CACNA1D: variants seen among roughly 807,000 people sequenced by gnomAD.
The protein encoded by CACNA1D is voltage-dependent L-type calcium channel subunit alpha-1D.
CACNA1D carries 55 observed loss-of-function variants against 257.1 expected under a neutral mutation model. That is an observed-to-expected ratio of 0.21 (90% CI 0.17 to 0.27). The LOEUF (loss-of-function observed/expected upper bound fraction) is 0.27. CACNA1D is among the 10% of genes least tolerant of loss of function. The pLI is 1.00. For synonymous variants in CACNA1D, 980 were observed against 1,014.9 expected, an observed-to-expected ratio of 0.97 and a Z score of 0.65; for missense variants, 1,876 against 2,784.0, an observed-to-expected ratio of 0.67 and a Z score of 7.34.
chr3:53,803,095 C>G (rs1425200709), intron 43 of CACNA1D, among the ~76,000 whole-genome samples: 1 of 152,144 alleles, frequency 6.6e-6, no homozygotes, highest in East Asian at 1.9e-4. Context: ...AACCCAGGGT[C>G]TTTTTCCCTA....
At chr3:53,636,159 A>G (rs2093881068) in intron 3 of CACNA1D, among the ~76,000 whole-genome samples, 1 of 152,090 alleles carries the variant, frequency 6.6e-6, no homozygotes, top group Non-Finnish European at 1.5e-5. Context: ...ATTTATCACA[A>G]CTGGTGTCCA....
At chr3:53,720,192 A>G (rs368317575) in intron 11 of CACNA1D, among the ~76,000 whole-genome samples, 6 of 152,326 alleles carry the variant, frequency 3.9e-5, no homozygotes, top group Admixed American at 2.0e-4. Flanking sequence ...CCATATACCT[A>G]TGATTAGTGT....
intron 29 of CACNA1D, among the ~76,000 whole-genome samples, chr3:53,754,762 ATC>A (rs1463889037): frequency 5.3e-5 from 8 of 152,234 alleles, no homozygotes; most frequent in African/African-American, 1.7e-4. Context: ...CCAGTTAGTT[ATC>A]TCTGTGTAAG....
chr3:53,705,453 T>C (rs1042456403), intron 9 of CACNA1D, among the ~76,000 whole-genome samples: 2 of 152,202 alleles, frequency 1.3e-5, no homozygotes, highest in African/African-American at 2.4e-5. Flanking sequence ...AAAGCTGCAA[T>C]GTGTCTTGGG....
Position 53,664,829 on chromosome 3 carries a change from A to G in CACNA1D, c.767-831A>G, listed in dbSNP as rs144930685. Reference sequence around the variant, plus strand: ...AAGAGTATATTTGGAAGAAGGGGTCAGGGGGCTCCTTGCTTCTAGTGAACA... The same window carrying G: ...AAGAGTATATTTGGAAGAAGGGGTCGGGGGGCTCCTTGCTTCTAGTGAACA... On this transcript the variant is annotated intron_variant, in intron 5 of 47. Transcript: ENST00000350061. 8.7e-4 allele frequency among the ~76,000 whole-genome samples: 133 copies of G among 152,368 alleles called. No individual in the cohort carries two copies. In the East Asian group the frequency reaches 0.024, roughly 27 times the overall value.
At chr3:53,596,418 C>A (rs1182246620) in intron 3 of CACNA1D, among the ~76,000 whole-genome samples, 3 of 152,136 alleles carry the variant, frequency 2.0e-5, no homozygotes, top group Non-Finnish European at 4.4e-5. Flanking sequence ...CCGACTGTGT[C>A]ATTTTGGAAA....
intron 17 of CACNA1D, among the ~76,000 whole-genome samples, 179 bp from the exon 18 acceptor site, chr3:53,731,837 G>A (rs1027426004): frequency 3.9e-5 from 6 of 152,192 alleles, no homozygotes; most frequent in East Asian, 1.9e-4. Flanking sequence ...CTGCCCTCAG[G>A]CCTTCTGTCT....
chr3:53,561,601 G>A (rs1055608869), intron 3 of CACNA1D, among the ~76,000 whole-genome samples: 4 of 152,176 alleles, frequency 2.6e-5, no homozygotes, highest in African/African-American at 9.7e-5. Flanking sequence ...CTTTGTAGCT[G>A]TCAAGGAAAA....
chr3:53,539,917 G>C (rs1284875857), intron 3 of CACNA1D, among the ~76,000 whole-genome samples: 1 of 152,110 alleles, frequency 6.6e-6, no homozygotes, highest in Non-Finnish European at 1.5e-5. Context: ...AGTTGTTTCA[G>C]TAAGTCTTTG....
At chr3:53,553,923 A>C (rs1033989291) in intron 3 of CACNA1D, among the ~76,000 whole-genome samples, 1 of 151,404 alleles carries the variant, frequency 6.6e-6, no homozygotes, top group Admixed American at 6.6e-5. Context: ...TGGGCTGGGC[A>C]TGGTGGCTCA....
At chr3:53,796,257 G>A in intron 40 of CACNA1D, 1 of 449,434 alleles carries the variant, frequency 2.2e-6, no homozygotes, top group Non-Finnish European at 4.5e-6. Flanking sequence ...TAGGCTGAGT[G>A]CAGCCTGCCT....
chr3:53,717,036 C>G (rs969876833), intron 9 of CACNA1D, among the ~76,000 whole-genome samples: 1 of 152,258 alleles, frequency 6.6e-6, no homozygotes, highest in African/African-American at 2.4e-5. Context: ...GCTTCCAGCC[C>G]ACTACCAGTA....
intron 9 of CACNA1D, among the ~76,000 whole-genome samples, chr3:53,714,152 A>G (rs2094793352): frequency 6.6e-6 from 1 of 152,196 alleles, no homozygotes; most frequent in Non-Finnish European, 1.5e-5. Context: ...CTAACATTCC[A>G]GTTTCCTGAA....
chr3:53,733,994 A>G (rs978047950), intron 19 of CACNA1D, among the ~76,000 whole-genome samples: 2 of 121,016 alleles, frequency 1.7e-5, no homozygotes, highest in East Asian at 4.7e-4. Context: ...ATACATATAC[A>G]TATACATATA....
At chr3:53,604,624 A>C (rs2093484864) in intron 3 of CACNA1D, among the ~76,000 whole-genome samples, 2 of 152,178 alleles carry the variant, frequency 1.3e-5, no homozygotes, top group Non-Finnish European at 2.9e-5. Flanking sequence ...ATGGGGATAC[A>C]TATCCCTGCT....
In CACNA1D at chr3:53,800,222, C is replaced by T. The variant is rs1379315340; in HGVS notation, c.4924-27C>T. On this transcript the variant is annotated intron_variant, in intron 40 of 47. Transcript: ENST00000350061. This position sits in a 1 kb window ranked among gnomAD's most constrained non-coding sequence, Gnocchi z 4.3. ...GCCCCAGGGCCCATGTGTGGTCTAA[C>T]CTGTTCTGCCATTTTCATTGATCTA... is the stretch of plus-strand genomic sequence containing the variant. 1 of 1,518,784 alleles carries T rather than the reference C, an allele frequency of 6.6e-7. No individual in the cohort carries two copies. The highest frequency in any genetic ancestry group is 9.1e-7 in the Non-Finnish European group (1 of 1,092,958). 94.1% of individuals were successfully genotyped at this position (1,518,784 alleles called of 1,614,324 possible).
At chr3:53,690,246 C>T (rs575129259) in intron 8 of CACNA1D, among the ~76,000 whole-genome samples, 2 of 152,326 alleles carry the variant, frequency 1.3e-5, no homozygotes, top group African/African-American at 4.8e-5. Context: ...TCTTCCCAGC[C>T]TGGGTCTGTG....
chr3:53,786,722 C>T, intron 39 of CACNA1D, 100 bp from the exon 40 acceptor site: 2 of 569,276 alleles, frequency 3.5e-6, no homozygotes. Flanking sequence ...CGCCCACCCG[C>T]CCCACTCTGC....
chr3:53,780,267 C>T, intron 38 of CACNA1D, 139 bp downstream of exon 38: 2 of 721,508 alleles, frequency 2.8e-6, no homozygotes, highest in Middle Eastern at 7.2e-4. Context: ...TGAAGATGTC[C>T]ATGCTGGGCT....
Sources: allele counts gnomAD v4.1 joint callset (sites outside exome capture counted in the v4.1 genomes callset), GRCh38; gene constraint gnomAD v4.1.1; non-coding constraint Gnocchi (gnomAD v3.1); transcripts MANE v1.5; gene names NCBI Gene and HGNC (gene_info 2026-07-23, HGNC 2026-07-21).